The following PCDHA3 variants were observed in gnomAD, a reference collection of about 807,000 sequenced individuals.
The protein encoded by PCDHA3 is protocadherin alpha 3.
In PCDHA3, 41 loss-of-function variants were observed where a neutral mutation model predicts 62.2. That is an observed-to-expected ratio of 0.66 (90% CI 0.51 to 0.86). The LOEUF is 0.86. PCDHA3 is among the 40% of genes least tolerant of loss of function. PCDHA3 has a pLI of 0.00. For missense variants in PCDHA3, 1,304 were observed against 1,241.2 expected (o/e 1.05, Z -0.76); for synonymous variants, 640 against 555.4 (o/e 1.15, Z -2.14).
intron 1 of PCDHA3, chr5:140,821,814 C>T (rs139136006): frequency 5.7e-5 from 92 of 1,613,758 alleles, no homozygotes; most frequent in Non-Finnish European, 6.7e-5. Flanking sequence ...GATCCCGGCT[C>T]CTGCTGCTCT....
chr5:140,855,802 G>C (rs1329894390), intron 1 of PCDHA3: 4 of 477,838 alleles, frequency 8.4e-6, no homozygotes, highest in Non-Finnish European at 1.5e-5. Context: ...ACATATGAAT[G>C]AAAGAAAAGT....
intron 1 of PCDHA3, chr5:140,822,494 A>G: frequency 6.2e-7 from 1 of 1,613,882 alleles, no homozygotes; most frequent in Non-Finnish European, 8.5e-7. Context: ...AACGCCCCAG[A>G]ATTTGATAAA....
chr5:140,978,656 G>A (rs2096815434), intron 1 of PCDHA3, among the ~76,000 whole-genome samples: 1 of 152,248 alleles, frequency 6.6e-6, no homozygotes, highest in African/African-American at 2.4e-5. Flanking sequence ...TCTTCCCGTA[G>A]TGTTTTAAGA....
intron 1 of PCDHA3, among the ~76,000 whole-genome samples, chr5:140,925,065 G>C (rs782540022): frequency 2.0e-5 from 3 of 151,188 alleles, no homozygotes; most frequent in Non-Finnish European, 4.4e-5. Flanking sequence ...GGGCAACAAA[G>C]CAACACGCTC....
chr5:140,834,127 T>C (rs1554134048), intron 1 of PCDHA3: 1 of 448,364 alleles, frequency 2.2e-6, no homozygotes, highest in African/African-American at 2.0e-5. Flanking sequence ...ATAAAACTTT[T>C]CATCTGATTA....
intron 1 of PCDHA3, among the ~76,000 whole-genome samples, chr5:140,973,202 T>C (rs1266876355): frequency 3.3e-5 from 5 of 152,244 alleles, no homozygotes; most frequent in African/African-American, 1.2e-4. Flanking sequence ...TATGTGTGCA[T>C]ATTCACCCTA....
intron 1 of PCDHA3, among the ~76,000 whole-genome samples, chr5:140,909,044 T>C (rs538559353): frequency 6.6e-6 from 1 of 152,336 alleles, no homozygotes; most frequent in South Asian, 2.1e-4. Context: ...TTCCATACTC[T>C]GGCATGCAAA....
Position 141,009,778 on chromosome 5 carries a change from C to T in PCDHA3, c.2694C>T (p.Ser898=). Residue 898 remains serine, a synonymous_variant, in exon 4 of 4, where the codon TCC becomes TCT. Transcript: ENST00000522353. ...FIIPGSPAII[S]IRQEPTNSQI... ...TCCCAGGATCTCCTGCAATCATCTCCATCCGGCAGGAGCCTACTAACAGCC... is the reference window on the plus strand; with the variant it reads ...TCCCAGGATCTCCTGCAATCATCTCTATCCGGCAGGAGCCTACTAACAGCC... 1.2e-6 allele frequency: 2 copies of T among 1,614,122 alleles called. No homozygotes were observed.
At chr5:140,971,366 G>A (rs1554233245) in intron 1 of PCDHA3, among the ~76,000 whole-genome samples, 1 of 152,186 alleles carries the variant, frequency 6.6e-6, no homozygotes, top group Non-Finnish European at 1.5e-5. Flanking sequence ...TTTGCCAGGA[G>A]AGTGCATGAC....
intron 1 of PCDHA3, among the ~76,000 whole-genome samples, chr5:140,950,382 A>G (rs1424724989): frequency 3.3e-5 from 5 of 151,950 alleles, no homozygotes; most frequent in African/African-American, 7.2e-5. Context: ...CTTCCATTTG[A>G]ATGATATAGA....
rs2150419460 is a variant in PCDHA3 at position 140,848,757 on chromosome 5, T to C, written c.2394+45166T>C. 2.5e-6 allele frequency: 4 copies of C among 1,593,378 alleles called. No individual in the cohort carries two copies. In the South Asian group the frequency reaches 4.4e-5, roughly 18 times the overall value. Reference sequence around the variant, plus strand: ...GCAGAATGGCATTTTGTTTGTGAATTCTCGGATCGACCGCGAGGAGCTGTG... The same window carrying C: ...GCAGAATGGCATTTTGTTTGTGAATCCTCGGATCGACCGCGAGGAGCTGTG... On this transcript the variant is annotated intron_variant, in intron 1 of 3. Transcript: ENST00000522353.
In PCDHA3 at chr5:140,883,112, A is replaced by G. The variant is rs141106500; in HGVS notation, c.2394+79521A>G. 408 of 1,614,156 alleles carry G rather than the reference A, an allele frequency of 2.5e-4. 3 individuals are homozygous for G. In the African/African-American group the frequency reaches 5.1e-3, roughly 20 times the overall value. ...AAATGGAGATATAGTTTACTCATTTAGAAGGCCTGTATGGCCTGCAGTGGT... is the reference window on the plus strand; with the variant it reads ...AAATGGAGATATAGTTTACTCATTTGGAAGGCCTGTATGGCCTGCAGTGGT... On this transcript the variant is annotated intron_variant, in intron 1 of 3. Coordinates refer to ENST00000522353, the MANE Select transcript of PCDHA3 (RefSeq NM_018906.3).
chr5:140,964,894 T>C (rs754817292), intron 1 of PCDHA3, among the ~76,000 whole-genome samples: 8 of 152,210 alleles, frequency 5.3e-5, no homozygotes, highest in Non-Finnish European at 1.2e-4. Flanking sequence ...GATAGGAGGC[T>C]GGGCGCTTCT....
chr5:140,928,807 C>G (rs782261335), intron 1 of PCDHA3: 1 of 1,614,094 alleles, frequency 6.2e-7, no homozygotes, highest in Admixed American at 1.7e-5. Context: ...GGTAGTGGTT[C>G]GGGACCATGG....
chr5:140,941,202 C>CTTTCTGTCTTTCTTT (rs1554213921), intron 1 of PCDHA3, among the ~76,000 whole-genome samples: 1 of 122,742 alleles, frequency 8.1e-6, no homozygotes, highest in African/African-American at 3.0e-5. Context: ...TTTCTTTCTT[C>CTTTCTGTCTTTCTTT]CTTTCTTTCT....
intron 1 of PCDHA3, among the ~76,000 whole-genome samples, chr5:140,944,398 G>C (rs1326523434): frequency 4.6e-5 from 7 of 152,104 alleles, no homozygotes; most frequent in African/African-American, 2.4e-5. Flanking sequence ...TGTTATCCAG[G>C]CTGGTCTCGA....
At chr5:140,916,472 G>A (rs2077581791) in intron 1 of PCDHA3, among the ~76,000 whole-genome samples, 1 of 152,192 alleles carries the variant, frequency 6.6e-6, no homozygotes, top group Non-Finnish European at 1.5e-5. Context: ...TGGTTATTTG[G>A]TGCCCAAGGG....
rs1762961060 is a variant in PCDHA3 at position 140,802,594 on chromosome 5, A to AGAACACCCCGTGAAGGT, written c.1402_1403insCCCCGTGAAGGTGAACA (p.Asn468ThrfsTer3). 1 of 1,613,690 alleles carries AGAACACCCCGTGAAGGT rather than the reference A, an allele frequency of 6.2e-7. No individual in the cohort carries two copies. Among genetic ancestry groups the AGAACACCCCGTGAAGGT allele is most frequent in the African/African-American group, 1.3e-5 (1 of 74,804 alleles). On this transcript the variant is annotated stop_gained and frameshift_variant, in exon 1 of 4. Transcript: ENST00000522353. LOFTEE classifies it high-confidence loss of function. ...TCCGAGTACACGGTGTTCGTGAAGGAGAACAACCCGCCGGGCTGCCACATC... is the reference window on the plus strand; with the variant it reads ...TCCGAGTACACGGTGTTCGTGAAGGAGAACACCCCGTGAAGGTGAACAACCCGCCGGGCTGCCACATC...
At chr5:140,924,837 G>A (rs1310509638) in intron 1 of PCDHA3, among the ~76,000 whole-genome samples, 2 of 151,426 alleles carry the variant, frequency 1.3e-5, no homozygotes, top group African/African-American at 4.9e-5. Flanking sequence ...GGAGGTTGCA[G>A]GGAGCTCAGA....
Sources: gnomAD v4.1 joint callset for allele counts (sites outside exome capture counted in the v4.1 genomes callset) on GRCh38, gnomAD v4.1.1 for gene constraint, MANE v1.5 for transcripts, NCBI Gene and HGNC (gene_info 2026-07-23, HGNC 2026-07-21) for gene names.